Variants in LAMB1 observed in about 807,000 individuals in gnomAD.
LAMB1 encodes the protein laminin subunit beta 1.
In LAMB1, 121 loss-of-function variants were observed where a neutral mutation model predicts 222.3. The ratio of observed to expected loss-of-function variants is 0.54; its 90% CI spans 0.47 to 0.63. The LOEUF (loss-of-function observed/expected upper bound fraction) is 0.63, where lower values mean the gene tolerates loss of function less well. Ranked by LOEUF, LAMB1 falls within the 30% of genes least tolerant of loss-of-function variation. The pLI is 0.00. For missense variants in LAMB1, 2,172 were observed against 2,240.8 expected (o/e 0.97, Z 0.62); for synonymous variants, 794 against 807.2 (o/e 0.98, Z 0.28).
At position 107,926,140 on chromosome 7, in the gene LAMB1, C is replaced by G. The variant is rs373835446; in HGVS notation, c.5064+43G>C. The G allele has an allele frequency of 3.3e-6, 5 of 1,521,348 alleles. No homozygotes were observed. In the African/African-American group the frequency reaches 5.5e-5, roughly 17 times the overall value. 94.2% of individuals were successfully genotyped at this position (1,521,348 alleles called of 1,614,324 possible). On this transcript the variant is annotated intron_variant, in intron 32 of 33. Coordinates refer to ENST00000222399, the MANE Select transcript of LAMB1 (RefSeq NM_002291.3). ...AGGCAGGCAAGGAGGAGACTGGTGG[C>G]TCCTTTAACAACATAGCTCTGAAAT...
rs1336587904 is a variant in LAMB1, at chr7:107,952,067, G to C, written c.3236C>G (p.Thr1079Ser). The change falls in exon 23 of 34, where the codon ACT becomes AGT. Residue 1079 changes from threonine (T) to serine (S), a missense_variant. Physicochemically the swap from Thr to Ser is moderately conservative, Grantham distance 58. Coordinates refer to ENST00000222399, the MANE Select transcript of LAMB1 (RefSeq NM_002291.3). ...APNTWQLASG[T>S]GCDPCNCNAA... The stretch of plus-strand genomic sequence containing the variant: ...ATTGCAGTTGCATGGGTCACAGCCA[G>C]TGCCACTGGCCAGCTGCCAGGTATT... The C allele has an allele frequency of 6.2e-7, 1 of 1,614,120 alleles. No individual in the cohort carries two copies. The highest frequency in any genetic ancestry group is 1.7e-5 in the Admixed American group (1 of 60,022).
chr7:107,975,367 G>A lies in LAMB1; in HGVS notation c.1236C>T (p.Asp412=), dbSNP rs1422487449. The change falls in exon 11 of 34, where the codon GAC becomes GAT. Residue 412 remains aspartate (D), a synonymous_variant. Transcript: ENST00000222399. The part of the protein sequence containing the change: ...PAGSQNEGIC[D]SYTDFSTGLI... ...GACCAGTAGAAAAATCAGTATAGCT[G>A]TCACAAATTCCCTCATTTTGAGAGC... 3 of 1,613,722 alleles carry A rather than the reference G, an allele frequency of 1.9e-6. No individual in the cohort carries two copies. In the Admixed American group the frequency reaches 5.0e-5, roughly 27 times the overall value.
rs1429092347 is a variant in LAMB1 at position 107,952,138 on chromosome 7, C to G, written c.3165G>C (p.Leu1055Phe). The G allele has an allele frequency of 1.2e-6, 2 of 1,613,956 alleles. No individual in the cohort carries two copies. The highest frequency in any genetic ancestry group is 1.3e-5 in the African/African-American group (1 of 74,958). The change falls in exon 23 of 34, where the codon TTG becomes TTC. Residue 1055 changes from leucine to phenylalanine, a missense_variant. Coordinates refer to ENST00000222399, the MANE Select transcript of LAMB1 (RefSeq NM_002291.3). Reference protein sequence around the residue: ...CQCDKATGQCLCLPNVIGQNC... With the variant: ...CQCDKATGQCFCLPNVIGQNC... ...TCTGCCCGATCACATTAGGAAGACA[C>G]AAGCACTGACCAGTGGCTTTGTCGC...
At chr7:107,948,376 G>T (rs1025901812) in intron 24 of LAMB1, among the ~76,000 whole-genome samples, 2 of 152,024 alleles carry the variant, frequency 1.3e-5, no homozygotes, top group Non-Finnish European at 2.9e-5. Context: ...GGGGCTTTCT[G>T]GTCTTCCATG....
intron 13 of LAMB1, among the ~76,000 whole-genome samples, chr7:107,965,175 C>A (rs148424253): frequency 2.6e-4 from 40 of 152,284 alleles, no homozygotes; most frequent in Admixed American, 6.5e-4. Context: ...ATTTAGTCCC[C>A]GTTCTTCTCC....
chr7:107,946,477 T>C (rs1290414759), intron 24 of LAMB1, among the ~76,000 whole-genome samples: 1 of 152,264 alleles, frequency 6.6e-6, no homozygotes, highest in Non-Finnish European at 1.5e-5. Flanking sequence ...GTCTCTGTTA[T>C]GATGACTTGA....
chr7:107,995,773 G>A (rs530599082), intron 4 of LAMB1, among the ~76,000 whole-genome samples: 24 of 152,284 alleles, frequency 1.6e-4, no homozygotes, highest in Non-Finnish European at 2.8e-4. Context: ...GGCTTGCCAC[G>A]CTTCTTGTGT....
At chr7:107,950,191 C>A (rs2033210907) in intron 24 of LAMB1, among the ~76,000 whole-genome samples, 2 of 151,880 alleles carry the variant, frequency 1.3e-5, no homozygotes, top group African/African-American at 4.8e-5. Flanking sequence ...GATTATGCCA[C>A]TGCATTCCGG....
At chr7:107,958,061 CT>C (rs2033414736) in intron 20 of LAMB1, among the ~76,000 whole-genome samples, 1 of 152,176 alleles carries the variant, frequency 6.6e-6, no homozygotes. Flanking sequence ...CTGTTTGCTT[CT>C]GTTCCCCCTC....
intron 7 of LAMB1, among the ~76,000 whole-genome samples, chr7:107,982,925 A>T (rs2034001621): frequency 6.6e-6 from 1 of 152,234 alleles, no homozygotes; most frequent in African/African-American, 2.4e-5. Flanking sequence ...AAGAATCAAA[A>T]TTATAAAGAC....
chr7:107,991,524 C>A (rs966183014), intron 5 of LAMB1, among the ~76,000 whole-genome samples: 1 of 151,376 alleles, frequency 6.6e-6, no homozygotes, highest in Non-Finnish European at 1.5e-5. Context: ...GAGGCAGAGG[C>A]TGCAGTGAGC....
Position 107,961,274 on chromosome 7 carries a change from T to A in LAMB1, c.2041A>T (p.Arg681Trp). ...GAGGTGTACTGAGGCAGCTCCAACC[T>A]CACCGTGTAGTTTGTTCCCTTCTCA... ...CFEKGTNYTV[R>W]LELPQYTSSD... The change falls in exon 17 of 34, where the codon AGG (arginine) becomes TGG (tryptophan). Residue 681 changes from arginine to tryptophan, a missense_variant. Transcript: ENST00000222399. 1.2e-6 allele frequency: 2 copies of A among 1,613,942 alleles called. No individual in the cohort carries two copies. The highest frequency in any genetic ancestry group is 1.7e-6 in the Non-Finnish European group (2 of 1,179,958).
In LAMB1 at chr7:107,960,661, T is replaced by A; in HGVS notation, c.2110-12A>T. 1 of 1,612,708 alleles carries A rather than the reference T, an allele frequency of 6.2e-7. No individual in the cohort carries two copies. The highest frequency in any genetic ancestry group is 8.5e-7 in the Non-Finnish European group (1 of 1,178,652). On this transcript the variant is annotated splice_polypyrimidine_tract_variant and intron_variant, in intron 17 of 33. Coordinates refer to ENST00000222399, the MANE Select transcript of LAMB1 (RefSeq NM_002291.3). ...GGCATGAGAACAAGCTGTGAAGAAATGAGAACGGCCAAACATCCTTACAGT... is the reference window on the plus strand; with the variant it reads ...GGCATGAGAACAAGCTGTGAAGAAAAGAGAACGGCCAAACATCCTTACAGT...
Position 107,940,253 on chromosome 7 carries a change from G to A in LAMB1, c.3497C>T (p.Thr1166Met), listed in dbSNP as rs771248391. The A allele has an allele frequency of 6.8e-6, 11 of 1,614,094 alleles. No individual in the cohort carries two copies. Among genetic ancestry groups the A allele is most frequent in the South Asian group, 3.3e-5 (3 of 91,086 alleles). The change falls in exon 25 of 34, where the codon ACG (threonine) becomes ATG (methionine). Residue 1166 changes from threonine (T) to methionine (M), a missense_variant. Coordinates refer to ENST00000222399, the MANE Select transcript of LAMB1 (RefSeq NM_002291.3). ...AGGGAAGACCCCCGAGTACCCTCGC[G>A]TGCACTTGTCACAGCGTGGACCCTC... ...GVEGPRCDKC[T>M]RGYSGVFPDC...
chr7:107,956,950 T>C (rs2033390281), intron 20 of LAMB1, among the ~76,000 whole-genome samples: 1 of 152,194 alleles, frequency 6.6e-6, no homozygotes, highest in Admixed American at 6.5e-5. Flanking sequence ...GAATTTGGGG[T>C]CCTTAAAGCA....
chr7:107,928,745 G>A (rs1002159915), intron 31 of LAMB1, among the ~76,000 whole-genome samples: 3 of 152,094 alleles, frequency 2.0e-5, no homozygotes, highest in African/African-American at 4.8e-5. Context: ...CACCCACCTC[G>A]GCCTCCCAAA....
rs1131398 is a variant in LAMB1 at position 107,929,072 on chromosome 7, A to G, written c.4879T>C (p.Leu1627=). ...TGATTGTGTATGCCTACCGAAGTTA[A>G]CAGGTTCTGGGTTCCTTGAATGTCT... ...DEDIQGTQNL[L]TSIESETAAS... is the part of the protein sequence containing the mutation. Residue 1627 remains leucine (L), a synonymous_variant, in exon 31 of 34, where the codon TTA becomes CTA. Transcript: ENST00000222399. The G allele has an allele frequency of 0.41, 660,103 of 1,612,508 alleles. 136,717 individuals are homozygous for G. The highest frequency in any genetic ancestry group is 0.54 in the African/African-American group (40,453 of 74,844).
At chr7:107,974,446 G>A (rs1306083891) in intron 12 of LAMB1, among the ~76,000 whole-genome samples, 1 of 151,624 alleles carries the variant, frequency 6.6e-6, no homozygotes, top group Non-Finnish European at 1.5e-5. Flanking sequence ...TTGTATAGAA[G>A]TCCCCACACT....
At chr7:107,951,119 T>C in intron 24 of LAMB1, 107 bp downstream of exon 24, 2 of 752,486 alleles carry the variant, frequency 2.7e-6, no homozygotes, top group Non-Finnish European at 4.5e-6. Context: ...CAGGTTCTTA[T>C]AGACACGTTA....
Sources: allele counts gnomAD v4.1 joint callset (sites outside exome capture counted in the v4.1 genomes callset), GRCh38; gene constraint gnomAD v4.1.1; transcripts MANE v1.5; gene names NCBI Gene and HGNC (gene_info 2026-07-23, HGNC 2026-07-21).